Variants in INPP5F observed in about 807,000 individuals in gnomAD.
The protein encoded by INPP5F is inositol polyphosphate-5-phosphatase F.
In INPP5F, 97 loss-of-function variants were observed where a neutral mutation model predicts 137.2. That is an observed-to-expected ratio of 0.71 (90% confidence interval 0.60 to 0.84). The LOEUF (loss-of-function observed/expected upper bound fraction) is 0.84. Ranked by LOEUF, INPP5F falls within the 40% of genes least tolerant of loss-of-function variation. The pLI is 0.00. For synonymous variants in INPP5F, 504 were observed against 476.9 expected (o/e 1.06, Z -0.74); for missense variants, 1,271 against 1,371.9 (o/e 0.93, Z 1.16).
intron 16 of INPP5F, among the ~76,000 whole-genome samples, chr10:119,821,256 GAA>G (rs1392634519): frequency 1.3e-5 from 2 of 152,116 alleles, no homozygotes; most frequent in African/African-American, 4.8e-5. Flanking sequence ...TTACTATAGT[GAA>G]GTTTTTCCTC....
rs1196022071 is a variant in INPP5F, at chr10:119,791,587, T to G, written c.386T>G (p.Phe129Cys). The G allele has an allele frequency of 7.5e-6, 12 of 1,604,452 alleles. No individual in the cohort carries two copies. The highest frequency in any genetic ancestry group is 2.2e-5 in the East Asian group (1 of 44,782). The change falls in exon 4 of 20, where the codon TTT (phenylalanine) becomes TGT (cysteine). Residue 129 changes from phenylalanine (F) to cysteine (C), a missense_variant. Physicochemically the swap from Phe to Cys is radical, Grantham distance 205. Transcript: ENST00000650623. Reference sequence around the variant, plus strand: ...ATACCATCTCCTGATGACTCAAAGTTTCTACTGAAGACCTTTACGCATATT... The same window carrying G: ...ATACCATCTCCTGATGACTCAAAGTGTCTACTGAAGACCTTTACGCATATT... Reference protein sequence around the residue: ...KIIPSPDDSKFLLKTFTHIKS... With the variant: ...KIIPSPDDSKCLLKTFTHIKS...
intron 6 of INPP5F, among the ~76,000 whole-genome samples, chr10:119,792,776 C>G (rs1250855290): frequency 6.6e-6 from 1 of 152,076 alleles, no homozygotes; most frequent in African/African-American, 2.4e-5. Context: ...AATTGACTGT[C>G]TAAAGACAAT....
At chr10:119,763,921 C>G (rs1035151698) in intron 2 of INPP5F, among the ~76,000 whole-genome samples, 1 of 152,186 alleles carries the variant, frequency 6.6e-6, no homozygotes, top group Non-Finnish European at 1.5e-5. Flanking sequence ...AAATTTCAAC[C>G]AAGTTCTTTG....
chr10:119,785,286 G>GTTGTTTTTTTTTTTTTTTTTTTT (rs770290302), intron 3 of INPP5F, among the ~76,000 whole-genome samples: 7 of 106,228 alleles, frequency 6.6e-5, no homozygotes, highest in African/African-American at 2.2e-4. Context: ...CTGCCAGACT[G>GTTGTTTTTTTTTTTTTTTTTTTT]TTTTTTTTTT....
At chr10:119,789,425 G>C (rs961286828) in intron 3 of INPP5F, among the ~76,000 whole-genome samples, 1 of 152,106 alleles carries the variant, frequency 6.6e-6, no homozygotes, top group East Asian at 1.9e-4. Flanking sequence ...AGTAGCAGGA[G>C]ACCAAAGGGA....
At chr10:119,741,403 T>C (rs1189979076) in intron 1 of INPP5F, among the ~76,000 whole-genome samples, 2 of 152,234 alleles carry the variant, frequency 1.3e-5, no homozygotes, top group East Asian at 3.8e-4. Flanking sequence ...GCTCCCTGTC[T>C]TATTCTGCAT....
intron 2 of INPP5F, among the ~76,000 whole-genome samples, chr10:119,761,580 A>AC (rs1849010641): frequency 1.6e-5 from 2 of 127,092 alleles, no homozygotes; most frequent in Non-Finnish European, 3.5e-5. Flanking sequence ...CTCTTAATGT[A>AC]GTTTTTTTTT....
At chr10:119,780,576 CAAACA>C (rs1849668725) in intron 2 of INPP5F, among the ~76,000 whole-genome samples, 1 of 152,114 alleles carries the variant, frequency 6.6e-6, no homozygotes, top group Non-Finnish European at 1.5e-5. Flanking sequence ...GACCCAGTCT[CAAACA>C]AAACAAAACA....
At chr10:119,728,976 C>T (rs1249293935) in intron 1 of INPP5F, among the ~76,000 whole-genome samples, 1 of 152,196 alleles carries the variant, frequency 6.6e-6, no homozygotes, top group Non-Finnish European at 1.5e-5. Flanking sequence ...TACTCCTCAT[C>T]TTGGTGTCTC....
chr10:119,788,628 C>T (rs973055651), intron 3 of INPP5F, among the ~76,000 whole-genome samples: 1 of 152,154 alleles, frequency 6.6e-6, no homozygotes, highest in Admixed American at 6.5e-5. Context: ...GACACTGTAC[C>T]CTGCTGGCTC....
intron 19 of INPP5F, among the ~76,000 whole-genome samples, chr10:119,826,371 G>T (rs1851758080): frequency 6.6e-6 from 1 of 152,074 alleles, no homozygotes; most frequent in South Asian, 2.1e-4. Flanking sequence ...TGTATATATT[G>T]GGTTAAATGA....
At chr10:119,733,299 G>A (rs115341312) in intron 1 of INPP5F, among the ~76,000 whole-genome samples, 2,601 of 152,288 alleles carry the variant, frequency 0.017, 58 homozygotes, top group African/African-American at 0.059. Flanking sequence ...TATAGTTACA[G>A]GGAATGTTGT....
chr10:119,773,786 T>G (rs1006155609), intron 2 of INPP5F, among the ~76,000 whole-genome samples: 1 of 152,164 alleles, frequency 6.6e-6, no homozygotes, highest in African/African-American at 2.4e-5. Flanking sequence ...TGACAACTTC[T>G]TGAACTTCTG....
At chr10:119,779,764 G>T (rs959566514) in intron 2 of INPP5F, among the ~76,000 whole-genome samples, 1 of 152,016 alleles carries the variant, frequency 6.6e-6, no homozygotes, top group Admixed American at 6.5e-5. Context: ...TTAGCTTACT[G>T]TAACTTTTCT....
intron 2 of INPP5F, among the ~76,000 whole-genome samples, chr10:119,765,172 G>A (rs2134148954): frequency 6.6e-6 from 1 of 152,218 alleles, no homozygotes; most frequent in East Asian, 1.9e-4. Flanking sequence ...GACCTCAGGT[G>A]ATCCACTTGC....
At chr10:119,766,283 C>G (rs1380664950) in intron 2 of INPP5F, among the ~76,000 whole-genome samples, 1 of 152,174 alleles carries the variant, frequency 6.6e-6, no homozygotes, top group South Asian at 2.1e-4. Context: ...ATGCAAATCT[C>G]TTCTGGAAAT....
chr10:119,828,291 G>T lies in INPP5F; in HGVS notation c.*511G>T, dbSNP rs1242111969. ...TTTGATGGCTTAACTGTTCCCTGAG[G>T]AGTTGAGGGTTATTGACACTAGAGA... On this transcript the variant is annotated 3_prime_UTR_variant, in exon 20 of 20. Transcript: ENST00000650623. The T allele has an allele frequency of 6.5e-6, 1 of 153,038 alleles. No individual in the cohort carries two copies. Among genetic ancestry groups the T allele is most frequent in the Non-Finnish European group, 1.5e-5 (1 of 68,698 alleles). The allele number at this position is 153,038 out of a possible 1,614,324, so 9.5% of individuals were successfully genotyped here.
At chr10:119,786,468 A>G (rs1849921077) in intron 3 of INPP5F, among the ~76,000 whole-genome samples, 1 of 152,228 alleles carries the variant, frequency 6.6e-6, no homozygotes, top group Non-Finnish European at 1.5e-5. Context: ...CTTTTCAGAA[A>G]GGTAGTGCTC....
At position 119,829,110 on chromosome 10, in the gene INPP5F, T is replaced by C. The variant is rs1471887753; in HGVS notation, c.*1330T>C. On this transcript the variant is annotated 3_prime_UTR_variant, in exon 20 of 20. Transcript: ENST00000650623. ...TTTTTTTTTTACGTGTTAAATCTTG[T>C]GATTATTAAAATAAAGTACCATTGT... is the stretch of plus-strand genomic sequence containing the variant. 2 of 152,596 alleles carry C rather than the reference T, an allele frequency of 1.3e-5. No individual in the cohort carries two copies. The highest frequency in any genetic ancestry group is 4.8e-5 in the African/African-American group (2 of 41,430). 9.5% of individuals were successfully genotyped at this position (152,596 alleles called of 1,614,324 possible). A position where few individuals can be genotyped will look rare whatever the true frequency, so the allele number is the denominator to read the frequency against.
Sources: allele counts gnomAD v4.1 joint callset (sites outside exome capture counted in the v4.1 genomes callset), GRCh38; gene constraint gnomAD v4.1.1; transcripts MANE v1.5; gene names NCBI Gene and HGNC (gene_info 2026-07-23, HGNC 2026-07-21).